The following SCAP variants were observed in gnomAD, a reference collection of about 807,000 sequenced individuals.
The protein encoded by SCAP is SREBF chaperone.
Under a neutral mutation model 123.6 loss-of-function variants are expected in SCAP, and 65 were observed. The ratio of observed to expected loss-of-function variants is 0.53; its 90% CI spans 0.43 to 0.65. SCAP has a LOEUF of 0.65. Among genes scored for constraint, SCAP ranks in the 30% least tolerant of loss-of-function variants. SCAP has a pLI of 0.00. For synonymous variants in SCAP, 740 were observed against 726.3 expected (o/e 1.02, Z -0.30); for missense variants, 1,398 against 1,712.5 (o/e 0.82, Z 3.24).
chr3:47,418,967 G>T, intron 13 of SCAP, 124 bp from the exon 14 acceptor site: 1 of 1,080,568 alleles, frequency 9.3e-7, no homozygotes, highest in Non-Finnish European at 1.3e-6. Flanking sequence ...GACTCTCCCA[G>T]CATGGGGGGT....
intron 1 of SCAP, among the ~76,000 whole-genome samples, chr3:47,458,535 G>A (rs1054318011): frequency 6.6e-6 from 1 of 152,196 alleles, no homozygotes; most frequent in Admixed American, 6.5e-5. Context: ...ACATATTCAA[G>A]AAGATGAGTA....
intron 1 of SCAP, among the ~76,000 whole-genome samples, chr3:47,445,243 C>CTTT (rs970206797): frequency 9.8e-5 from 11 of 111,856 alleles, no homozygotes; most frequent in Admixed American, 1.9e-4. Context: ...GTTTTCAATT[C>CTTT]TTTTTTTTTT....
chr3:47,452,481 A>G (rs537045026), intron 1 of SCAP, among the ~76,000 whole-genome samples: 1 of 152,366 alleles, frequency 6.6e-6, no homozygotes, highest in African/African-American at 2.4e-5. Context: ...AAAGCACCTC[A>G]GGCATTCTGG....
In SCAP at chr3:47,419,540, G is replaced by A; in HGVS notation, c.1728C>T (p.Ala576=). Residue 576 remains alanine (A), a synonymous_variant, in exon 13 of 23, where the codon GCC becomes GCT. Transcript: ENST00000265565. The surrounding 1 kb of genome is among the most constrained non-coding windows in gnomAD (Gnocchi z 5.0). ...GMLPPSHPDP[A]FSIFPPDAPK... Reference sequence around the variant, plus strand: ...GGGCATCAGGTGGGAAGATGGAGAAGGCAGGGTCCGGGTGGCTGGGGGGCA... The same window carrying A: ...GGGCATCAGGTGGGAAGATGGAGAAAGCAGGGTCCGGGTGGCTGGGGGGCA... The A allele has an allele frequency of 1.2e-6, 2 of 1,613,860 alleles. No individual in the cohort carries two copies. Among genetic ancestry groups the A allele is most frequent in the Non-Finnish European group, 1.7e-6 (2 of 1,179,906 alleles).
chr3:47,418,952 G>A (rs1267054013), intron 13 of SCAP, 109 bp from the exon 14 acceptor site: 20 of 1,178,348 alleles, frequency 1.7e-5, no homozygotes, highest in Admixed American at 3.1e-5. Context: ...CAGCTCCACC[G>A]GCCAGACTCT....
At chr3:47,447,118 T>G (rs1707073363) in intron 1 of SCAP, among the ~76,000 whole-genome samples, 1 of 152,112 alleles carries the variant, frequency 6.6e-6, no homozygotes, top group African/African-American at 2.4e-5. Context: ...AAAGCAGTTG[T>G]CTGGACCAGG....
intron 18 of SCAP, 25 bp from the exon 19 acceptor site, chr3:47,415,205 G>C: frequency 6.3e-7 from 1 of 1,593,118 alleles, no homozygotes; most frequent in Non-Finnish European, 8.5e-7. Flanking sequence ...CAGCTGCCAG[G>C]GGCCTCTCCC....
chr3:47,425,744 C>T (rs1706099982), intron 7 of SCAP, 133 bp from the exon 8 acceptor site: 1 of 1,015,398 alleles, frequency 9.8e-7, no homozygotes, highest in African/African-American at 1.6e-5. Context: ...GGGACAGGCA[C>T]AAGCACTTCC....
At chr3:47,471,387 C>T (rs1280542774) in intron 1 of SCAP, among the ~76,000 whole-genome samples, 8 of 152,084 alleles carry the variant, frequency 5.3e-5, no homozygotes, top group East Asian at 1.9e-4. Flanking sequence ...ACAATCTAGA[C>T]GATTAAAACA....
At chr3:47,468,694 C>A (rs1178326569) in intron 1 of SCAP, among the ~76,000 whole-genome samples, 1 of 152,122 alleles carries the variant, frequency 6.6e-6, no homozygotes, top group East Asian at 1.9e-4. Flanking sequence ...ATGGTAGTTT[C>A]TTTTGCTGTG....
intron 1 of SCAP, among the ~76,000 whole-genome samples, chr3:47,475,165 C>G (rs572680589): frequency 6.6e-6 from 1 of 152,138 alleles, no homozygotes; most frequent in African/African-American, 2.4e-5. Context: ...CTCACTGCCC[C>G]CCCCTCCGCA....
rs372590558 is a variant in SCAP, at chr3:47,419,363, C to T, written c.1905G>A (p.Thr635=). 83 of 1,613,118 alleles carry T rather than the reference C, an allele frequency of 5.1e-5. No individual in the cohort carries two copies. The highest frequency in any genetic ancestry group is 2.1e-4 in the South Asian group (19 of 91,038). Residue 635 remains threonine, a synonymous_variant, in exon 13 of 23, where the codon ACG becomes ACA. Transcript: ENST00000265565. This position sits in a 1 kb window ranked among gnomAD's most constrained non-coding sequence, Gnocchi z 5.0. The stretch of plus-strand genomic sequence containing the variant: ...GTGTGATGTTGTAATAGCTGAAGAG[C>T]GTCGGCCAGTGGCGGAAGGACAATT... ...WRKLSFRHWP[T]LFSYYNITLA... is the part of the protein sequence containing the mutation.
At chr3:47,434,336 A>G (rs1313378949) in intron 3 of SCAP, among the ~76,000 whole-genome samples, 1 of 152,242 alleles carries the variant, frequency 6.6e-6, no homozygotes, top group Non-Finnish European at 1.5e-5. Flanking sequence ...CACACCTGAC[A>G]GGCAAAAGGT....
chr3:47,424,029 GGTA>G lies in SCAP; in HGVS notation c.1051_1053del (p.Tyr351del), dbSNP rs767097022. 6.2e-7 allele frequency: 1 copy of G among 1,613,964 alleles called. No homozygotes were observed. The highest frequency in any genetic ancestry group is 8.5e-7 in the Non-Finnish European group (1 of 1,179,854). On this transcript the variant is annotated inframe_deletion, in exon 9 of 23. Transcript: ENST00000265565. The stretch of plus-strand genomic sequence containing the variant: ...TTCTCTAACCCAATAACCACCACAA[GGTA>G]GGGGAAAATCTCGCTGGGGACAGAG...
At chr3:47,431,941 G>C (rs111729862) in intron 3 of SCAP, among the ~76,000 whole-genome samples, 1 of 152,084 alleles carries the variant, frequency 6.6e-6, no homozygotes, top group African/African-American at 2.4e-5. Context: ...ATTTATTCAA[G>C]CATATGGACT....
chr3:47,433,499 C>T (rs141958520), intron 3 of SCAP, among the ~76,000 whole-genome samples: 206 of 152,344 alleles, frequency 1.4e-3, no homozygotes, highest in African/African-American at 4.4e-3. Flanking sequence ...AACATCTATT[C>T]CACACCAATG....
Position 47,421,008 on chromosome 3 carries a change from C to T in SCAP, c.1267G>A (p.Val423Met). 2 of 1,613,926 alleles carry T rather than the reference C, an allele frequency of 1.2e-6. No homozygotes were observed. The highest frequency in any genetic ancestry group is 1.7e-6 in the Non-Finnish European group (2 of 1,179,970). The change falls in exon 11 of 23, where the codon GTG becomes ATG. Residue 423 changes from valine (V) to methionine (M), a missense_variant. Physicochemically the swap from Val to Met is conservative, Grantham distance 21. Transcript: ENST00000265565. ...AIQEFCLFAVVGLVSDFFLQM... is the reference protein window; with the variant it reads ...AIQEFCLFAVMGLVSDFFLQM... ...AGGAAGAAGTCAGACACCAGCCCCA[C>T]GACAGCAAAGAGACAGAACTCCTGG...
rs80292687 is a variant in SCAP at position 47,458,695 on chromosome 3, A to G, written c.-98-15604T>C. Among the ~76,000 whole-genome samples, 441 of 152,352 alleles carry G rather than the reference A, an allele frequency of 2.9e-3. 1 individual carries two copies. The highest frequency in any genetic ancestry group is 0.01 in the Middle Eastern group (3 of 294). ...ACAATAGAACACCAACAAACCTATT[A>G]AAGATTTTCTTCCACAATGCCAGTT... On this transcript the variant is annotated intron_variant, in intron 1 of 22. Transcript: ENST00000265565.
chr3:47,422,110 C>T (rs1055097082), intron 10 of SCAP, among the ~76,000 whole-genome samples: 3 of 152,298 alleles, frequency 2.0e-5, no homozygotes, highest in Non-Finnish European at 2.9e-5. Flanking sequence ...CACAGCCAGT[C>T]CCCAGCTCCT....
Sources: allele counts gnomAD v4.1 joint callset (sites outside exome capture counted in the v4.1 genomes callset), GRCh38; gene constraint gnomAD v4.1.1; non-coding constraint Gnocchi (gnomAD v3.1); transcripts MANE v1.5; gene names NCBI Gene and HGNC (gene_info 2026-07-23, HGNC 2026-07-21).